The following FRMD5 variants were observed in gnomAD, a reference collection of about 807,000 sequenced individuals.
The protein encoded by FRMD5 is FERM domain-containing protein 5.
FRMD5 carries 20 observed loss-of-function variants against 69.0 expected under a neutral mutation model. That is an observed-to-expected ratio of 0.29 (90% CI 0.20 to 0.42). FRMD5 has a LOEUF of 0.42. Among genes scored for constraint, FRMD5 ranks in the 10% least tolerant of loss-of-function variants. FRMD5 has a pLI of 1.00. For missense variants in FRMD5, 595 were observed against 708.6 expected (o/e 0.84, Z 1.82); for synonymous variants, 271 against 260.1 (o/e 1.04, Z -0.40).
intron 1 of FRMD5, among the ~76,000 whole-genome samples, chr15:44,167,810 C>T (rs769766038): frequency 7.9e-5 from 12 of 152,276 alleles, no homozygotes; most frequent in Middle Eastern, 3.4e-3. Context: ...AGGCTGATCT[C>T]GAACTCCTGA....
chr15:44,148,333 G>C (rs575812370), intron 1 of FRMD5, among the ~76,000 whole-genome samples: 1 of 151,724 alleles, frequency 6.6e-6, no homozygotes, highest in Non-Finnish European at 1.5e-5. Flanking sequence ...GTGCAGGGGC[G>C]CAATCTAGGC....
Position 44,020,400 on chromosome 15 carries a change from A to C in FRMD5, c.103-96091T>G, listed in dbSNP as rs899748013. On this transcript the variant is annotated intron_variant, in intron 1 of 13. Transcript: ENST00000417257. ...AGAAGTTATATATCTTCATTTGTTC[A>C]ACAGCTAGGCACTTTTCTAGGTGCC... 3.3e-5 allele frequency among the ~76,000 whole-genome samples: 5 copies of C among 152,310 alleles called. 1 individual carries two copies. In the East Asian group the frequency reaches 9.6e-4, roughly 29 times the overall value.
chr15:44,115,178 A>G (rs1476399651), intron 1 of FRMD5, among the ~76,000 whole-genome samples: 2 of 152,206 alleles, frequency 1.3e-5, no homozygotes, highest in Non-Finnish European at 2.9e-5. Flanking sequence ...AAAAAACACT[A>G]ATATTGGAAC....
intron 1 of FRMD5, among the ~76,000 whole-genome samples, chr15:44,048,335 G>A (rs1892516465): frequency 2.0e-5 from 3 of 152,002 alleles, no homozygotes; most frequent in Admixed American, 6.6e-5. Context: ...ATCTTTTCAT[G>A]TGCTTATTGG....
chr15:44,108,870 T>C (rs1427212080), intron 1 of FRMD5, among the ~76,000 whole-genome samples: 1 of 150,734 alleles, frequency 6.6e-6, no homozygotes, highest in Non-Finnish European at 1.5e-5. Flanking sequence ...CTAAGGTGGG[T>C]GGATCCCTTG....
intron 1 of FRMD5, among the ~76,000 whole-genome samples, chr15:43,924,515 C>G (rs930210333): frequency 2.0e-5 from 3 of 152,148 alleles, no homozygotes; most frequent in African/African-American, 4.8e-5. Flanking sequence ...GCCCAAGAAC[C>G]CTTCCCACCA....
chr15:43,876,007 C>A (rs1402852433), intron 13 of FRMD5: 9 of 1,308,850 alleles, frequency 6.9e-6, no homozygotes, highest in Non-Finnish European at 1.0e-5. Context: ...CCCAAGACGC[C>A]CCCTTGCCTG....
chr15:44,070,495 A>G (rs996069582), intron 1 of FRMD5, among the ~76,000 whole-genome samples: 4 of 152,176 alleles, frequency 2.6e-5, no homozygotes, highest in African/African-American at 9.6e-5. Context: ...GCTATAGCAC[A>G]TAAGTTAGCA....
chr15:44,100,022 A>T (rs1216962872), intron 1 of FRMD5, among the ~76,000 whole-genome samples: 1 of 148,576 alleles, frequency 6.7e-6, no homozygotes, highest in Non-Finnish European at 1.5e-5. Flanking sequence ...AGTCATCCTG[A>T]CTGTATCTAA....
At chr15:43,951,220 A>G (rs2090021602) in intron 1 of FRMD5, among the ~76,000 whole-genome samples, 1 of 152,112 alleles carries the variant, frequency 6.6e-6, no homozygotes, top group Non-Finnish European at 1.5e-5. Flanking sequence ...GGAGATCGAG[A>G]CCATCCTGGC....
chr15:43,871,205 C>G lies in FRMD5; in HGVS notation c.*2680G>C, dbSNP rs1217682284. The G allele has an allele frequency of 6.6e-6, 1 of 152,186 alleles. No individual in the cohort carries two copies. The highest frequency in any genetic ancestry group is 1.9e-4 in the East Asian group (1 of 5,204). The allele number at this position is 152,186 out of a possible 1,614,324, so 9.4% of individuals were successfully genotyped here. A position where few individuals can be genotyped will look rare whatever the true frequency, so the allele number is the denominator to read the frequency against. ...TATTATTCAAGCACTATTTGAAAAG[C>G]AAACTGAAGGAAACTTTTCTATCCA... On this transcript the variant is annotated 3_prime_UTR_variant, in exon 14 of 14. Coordinates refer to ENST00000417257, the MANE Select transcript of FRMD5 (RefSeq NM_032892.5).
chr15:43,988,853 G>T (rs571432186), intron 1 of FRMD5, among the ~76,000 whole-genome samples: 5 of 152,218 alleles, frequency 3.3e-5, no homozygotes, highest in Non-Finnish European at 7.4e-5. Context: ...AATGTACAAT[G>T]AAAGTCCCTG....
intron 5 of FRMD5, among the ~76,000 whole-genome samples, chr15:43,909,628 G>A (rs907255703): frequency 6.6e-6 from 1 of 151,964 alleles, no homozygotes; most frequent in Non-Finnish European, 1.5e-5. Flanking sequence ...CTACAGGTGT[G>A]TGCCACCACA....
chr15:43,878,260 GAAA>G (rs567304930), intron 13 of FRMD5, among the ~76,000 whole-genome samples: 1 of 148,760 alleles, frequency 6.7e-6, no homozygotes, highest in Non-Finnish European at 1.5e-5. Flanking sequence ...ATGTTGATGA[GAAA>G]AAAAAAAGTT....
At position 44,191,737 on chromosome 15, in the gene FRMD5, C is replaced by T. The variant is rs1391898973; in HGVS notation, c.102+3216G>A. Among the ~76,000 whole-genome samples the T allele has an allele frequency of 9.9e-5, 15 of 151,560 alleles. No homozygotes were observed. In the East Asian group the frequency reaches 2.7e-3, roughly 27 times the overall value. The stretch of plus-strand genomic sequence containing the variant: ...CAGCCTAGGCAACATAGCAAGATCC[C>T]GTTTCTTAAAAACATAAAAATTCCT... On this transcript the variant is annotated intron_variant, in intron 1 of 13. Transcript: ENST00000417257.
chr15:44,058,479 AATAG>A (rs777976962), intron 1 of FRMD5, among the ~76,000 whole-genome samples: 26 of 152,230 alleles, frequency 1.7e-4, no homozygotes, highest in Non-Finnish European at 2.8e-4. Context: ...ATGTACTTTA[AATAG>A]ATAAATTGTA....
intron 1 of FRMD5, among the ~76,000 whole-genome samples, chr15:44,024,776 C>T (rs910345258): frequency 6.6e-5 from 10 of 152,188 alleles, no homozygotes; most frequent in African/African-American, 1.9e-4. Context: ...TGGGTTTTCT[C>T]ATCCATAAAA....
intron 7 of FRMD5, among the ~76,000 whole-genome samples, chr15:43,893,785 T>G (rs1011523498): frequency 5.9e-5 from 9 of 152,146 alleles, no homozygotes; most frequent in African/African-American, 2.2e-4. Flanking sequence ...TGACACAGAT[T>G]CTCAGCCTGA....
At chr15:43,975,123 C>T (rs147277884) in intron 1 of FRMD5, among the ~76,000 whole-genome samples, 75 of 152,296 alleles carry the variant, frequency 4.9e-4, no homozygotes, top group Middle Eastern at 3.4e-3. Context: ...AACTAGGCAT[C>T]GCCCAAGGGA....
Sources: allele counts gnomAD v4.1 joint callset (sites outside exome capture counted in the v4.1 genomes callset), GRCh38; gene constraint gnomAD v4.1.1; transcripts MANE v1.5; gene names NCBI Gene and HGNC (gene_info 2026-07-23, HGNC 2026-07-21).